IQGAP2: variants seen among roughly 807,000 people sequenced by gnomAD.
The protein encoded by IQGAP2 is IQ motif containing GTPase activating protein 2, also known as ras GTPase-activating-like protein IQGAP2.
In IQGAP2, 173 loss-of-function variants were observed where a neutral mutation model predicts 201.3. The observed-to-expected ratio is 0.86, with a 90% CI of 0.76 to 0.98. IQGAP2 has a LOEUF of 0.98. IQGAP2 is among the 50% of genes least tolerant of loss of function. The pLI, the probability that IQGAP2 is intolerant of heterozygous loss-of-function variation, is 0.00. For missense variants in IQGAP2, 1,687 were observed against 1,864.8 expected (o/e 0.90, Z 1.76); for synonymous variants, 675 against 673.9 (o/e 1.00, Z -0.03).
At chr5:76,569,641 A>T (rs1260826431) in intron 3 of IQGAP2, among the ~76,000 whole-genome samples, 1 of 152,240 alleles carries the variant, frequency 6.6e-6, no homozygotes, top group Non-Finnish European at 1.5e-5. Context: ...TAGATTGTAG[A>T]AGGTAACAGA....
chr5:76,664,296 A>G (rs7734540), intron 21 of IQGAP2, among the ~76,000 whole-genome samples: 70,048 of 152,108 alleles, frequency 0.46, 17,313 homozygotes, highest in Non-Finnish European at 0.57. Flanking sequence ...GAGAAAAAGG[A>G]AAGTTGGTGA....
At chr5:76,554,471 A>G (rs1052527677) in intron 2 of IQGAP2, among the ~76,000 whole-genome samples, 3 of 152,210 alleles carry the variant, frequency 2.0e-5, no homozygotes, top group Admixed American at 2.0e-4. Flanking sequence ...CTCAAAAGTA[A>G]AAAGACAAAT....
chr5:76,404,411 A>C, intron 1 of IQGAP2: 1 of 957,586 alleles, frequency 1.0e-6, no homozygotes. Flanking sequence ...ATGTGCCAGG[A>C]AGCATTTCCT....
intron 1 of IQGAP2, among the ~76,000 whole-genome samples, chr5:76,449,426 C>T (rs770740472): frequency 6.6e-6 from 1 of 152,158 alleles, no homozygotes; most frequent in Non-Finnish European, 1.5e-5. Context: ...AATGGGTCTT[C>T]TCCTGTTAGA....
intron 2 of IQGAP2, among the ~76,000 whole-genome samples, chr5:76,502,519 G>A (rs950447727): frequency 1.3e-5 from 2 of 152,214 alleles, no homozygotes; most frequent in Non-Finnish European, 2.9e-5. Context: ...AGTGGAGGAA[G>A]GCAGTCAGTC....
intron 34 of IQGAP2, among the ~76,000 whole-genome samples, chr5:76,701,538 A>C (rs995285579): frequency 6.6e-6 from 1 of 152,140 alleles, no homozygotes; most frequent in Non-Finnish European, 1.5e-5. Context: ...GCAAAATAGC[A>C]CCTTTCTCAT....
chr5:76,585,241 A>G (rs144345874), intron 5 of IQGAP2, among the ~76,000 whole-genome samples: 3 of 152,296 alleles, frequency 2.0e-5, no homozygotes, highest in Non-Finnish European at 2.9e-5. Flanking sequence ...GGATATTAGT[A>G]TAGGTAATAT....
chr5:76,654,863 A>G (rs982045493), intron 19 of IQGAP2, 71 bp from the exon 20 acceptor site: 2 of 953,928 alleles, frequency 2.1e-6, no homozygotes, highest in African/African-American at 1.6e-5. Context: ...CAGTTCTTAA[A>G]TGTTCTAAAT....
chr5:76,444,858 T>G (rs2150108451), intron 1 of IQGAP2, among the ~76,000 whole-genome samples: 1 of 152,284 alleles, frequency 6.6e-6, no homozygotes, highest in South Asian at 2.1e-4. Flanking sequence ...GCTTAAGTGC[T>G]TTTTGGAAAT....
intron 2 of IQGAP2, among the ~76,000 whole-genome samples, chr5:76,507,641 T>C (rs1308156062): frequency 6.6e-6 from 1 of 152,156 alleles, no homozygotes; most frequent in Non-Finnish European, 1.5e-5. Context: ...AAAAAAGATA[T>C]ATCTGATAAA....
intron 2 of IQGAP2, among the ~76,000 whole-genome samples, chr5:76,473,552 G>C (rs1019589278): frequency 2.0e-5 from 3 of 151,982 alleles, no homozygotes; most frequent in Non-Finnish European, 4.4e-5. Context: ...TGTTGCTTAG[G>C]CTGGTCTTGA....
intron 2 of IQGAP2, among the ~76,000 whole-genome samples, chr5:76,482,784 T>C (rs892652680): frequency 6.6e-6 from 1 of 152,190 alleles, no homozygotes; most frequent in African/African-American, 2.4e-5. Context: ...TTGACTGAAA[T>C]GTGTGGAGGT....
chr5:76,517,069 A>G (rs973265739), intron 2 of IQGAP2, among the ~76,000 whole-genome samples: 4 of 152,170 alleles, frequency 2.6e-5, no homozygotes, highest in African/African-American at 9.7e-5. Context: ...CAGGAGCCAG[A>G]GACCAACTAC....
chr5:76,501,302 G>A (rs1020434715), intron 2 of IQGAP2, among the ~76,000 whole-genome samples: 2 of 152,130 alleles, frequency 1.3e-5, no homozygotes, highest in Non-Finnish European at 2.9e-5. Context: ...AGTGACTCAT[G>A]CTTGTAATCC....
At chr5:76,599,826 G>C (rs1000209828) in intron 10 of IQGAP2, among the ~76,000 whole-genome samples, 111 of 152,068 alleles carry the variant, frequency 7.3e-4, no homozygotes. Flanking sequence ...TCATGCTCCT[G>C]CTCCTTATGT....
chr5:76,695,418 C>A, intron 31 of IQGAP2, 36 bp from the exon 32 acceptor site: 3 of 1,540,934 alleles, frequency 1.9e-6, no homozygotes, highest in South Asian at 1.1e-5. Flanking sequence ...ATTAGGGGAT[C>A]AGAGAAAACT....
intron 2 of IQGAP2, among the ~76,000 whole-genome samples, chr5:76,517,143 C>A (rs565049502): frequency 1.3e-5 from 2 of 152,050 alleles, no homozygotes; most frequent in South Asian, 4.2e-4. Flanking sequence ...TACATTTTTT[C>A]CCCTGAGTCA....
At chr5:76,704,741 G>C (rs1015613509) in intron 35 of IQGAP2, among the ~76,000 whole-genome samples, 2 of 152,178 alleles carry the variant, frequency 1.3e-5, no homozygotes, top group African/African-American at 2.4e-5. Context: ...AGCCAGCCCT[G>C]CATTTGATAG....
At position 76,707,517 on chromosome 5, in the gene IQGAP2, T is replaced by C. The variant is rs1389260451; in HGVS notation, c.*204T>C. 1.3e-5 allele frequency: 7 copies of C among 544,934 alleles called. No individual in the cohort carries two copies. Among genetic ancestry groups the C allele is most frequent in the Middle Eastern group, 4.9e-4 (1 of 2,046 alleles). The allele number at this position is 544,934 out of a possible 1,614,324, so 33.8% of individuals were successfully genotyped here. A position where few individuals can be genotyped will look rare whatever the true frequency, so the allele number is the denominator to read the frequency against. ...TAGAATGAGACATAAAATGAATTAA[T>C]GGAAACATATCCACACTGTACTGTG... On this transcript the variant is annotated 3_prime_UTR_variant, in exon 36 of 36. Coordinates refer to ENST00000274364, the MANE Select transcript of IQGAP2 (RefSeq NM_006633.5).
Sources: allele counts gnomAD v4.1 joint callset (sites outside exome capture counted in the v4.1 genomes callset), GRCh38; gene constraint gnomAD v4.1.1; transcripts MANE v1.5; gene names NCBI Gene and HGNC (gene_info 2026-07-23, HGNC 2026-07-21).